The following DRC9 variants were observed in gnomAD, a reference collection of about 807,000 sequenced individuals.
DRC9 encodes the protein dynein regulatory complex protein 9.
the DRC9 span, among the ~76,000 whole-genome samples, chr3:197,936,398 A>G: frequency 2.6e-5 from 4 of 152,022 alleles, no homozygotes; most frequent in Non-Finnish European, 5.9e-5. Flanking sequence ...ATGGGGCCTC[A>G]CTGTCACACA....
At chr3:197,891,586 C>A in the DRC9 span, 1 of 1,171,390 alleles carries the variant, frequency 8.5e-7, no homozygotes, top group South Asian at 1.3e-5. Context: ...ATAGTACTCT[C>A]TTGGCTAAGC....
At chr3:197,951,145 C>T in the DRC9 span, 18 of 1,613,900 alleles carry the variant, frequency 1.1e-5, no homozygotes, top group African/African-American at 1.3e-5. Context: ...TGTTGTGTAT[C>T]TTTTGTGTCT....
chr3:197,933,480 T>C, the DRC9 span, among the ~76,000 whole-genome samples: 1 of 152,104 alleles, frequency 6.6e-6, no homozygotes, highest in Non-Finnish European at 1.5e-5. Context: ...AAAAGTTTGA[T>C]TAGGTCTTTA....
the DRC9 span, among the ~76,000 whole-genome samples, chr3:197,900,827 G>A: frequency 2.0e-5 from 3 of 152,220 alleles, no homozygotes; most frequent in Non-Finnish European, 2.9e-5. The surrounding 1 kb of genome is among the most constrained non-coding windows in gnomAD (Gnocchi z 4.7). Context: ...GGCCTTCCTA[G>A]ACACACCTTG....
the DRC9 span, among the ~76,000 whole-genome samples, chr3:197,955,262 T>C: frequency 6.6e-6 from 1 of 151,628 alleles, no homozygotes; most frequent in Non-Finnish European, 1.5e-5. Context: ...TCAGTACATG[T>C]TTTTCTTTTT....
At chr3:197,892,897 G>C in the DRC9 span, 7 of 1,096,172 alleles carry the variant, frequency 6.4e-6, no homozygotes, top group African/African-American at 1.6e-5. Context: ...TACTTACCTG[G>C]GTGGAGAGTT....
At chr3:197,938,525 T>G in the DRC9 span, 1 of 1,567,394 alleles carries the variant, frequency 6.4e-7, no homozygotes, top group Admixed American at 1.7e-5. Flanking sequence ...GTTATTTCAC[T>G]GCCAAATGTC....
the DRC9 span, chr3:197,959,985 G>T: frequency 1.8e-6 from 1 of 549,542 alleles, no homozygotes; most frequent in Non-Finnish European, 3.2e-6. Flanking sequence ...TACGGCCAAC[G>T]CCCGCTAGCC....
At chr3:197,912,063 C>CGG in the DRC9 span, among the ~76,000 whole-genome samples, 1 of 151,594 alleles carries the variant, frequency 6.6e-6, no homozygotes, top group East Asian at 1.9e-4. Context: ...GTTTTTGAGA[C>CGG]GGGGTCTCGC....
chr3:197,922,074 CT>C, the DRC9 span, among the ~76,000 whole-genome samples: 1 of 152,106 alleles, frequency 6.6e-6, no homozygotes, highest in East Asian at 1.9e-4. Context: ...CTTGGTAGTT[CT>C]TTTTTGTTCC....
chr3:197,921,062 C>G, the DRC9 span, among the ~76,000 whole-genome samples: 1 of 146,202 alleles, frequency 6.8e-6, no homozygotes, highest in African/African-American at 2.6e-5. Context: ...TCATCTTGGT[C>G]GACCCGACTA....
the DRC9 span, chr3:197,955,842 C>G: frequency 7.8e-7 from 1 of 1,287,228 alleles, no homozygotes. Context: ...AAAAAACTTA[C>G]TACCTTAAAT....
At chr3:197,954,884 C>A in the DRC9 span, among the ~76,000 whole-genome samples, 35 of 152,262 alleles carry the variant, frequency 2.3e-4, no homozygotes, top group African/African-American at 8.2e-4. Context: ...TCAACAGTTA[C>A]GCCTGGCATA....
the DRC9 span, among the ~76,000 whole-genome samples, chr3:197,900,867 G>A: frequency 6.6e-6 from 1 of 152,196 alleles, no homozygotes; most frequent in Non-Finnish European, 1.5e-5. This position sits in a 1 kb window ranked among gnomAD's most constrained non-coding sequence, Gnocchi z 4.7. Context: ...GCCTTGTAGG[G>A]GAGGGCCCAG....
the DRC9 span, among the ~76,000 whole-genome samples, chr3:197,916,598 G>T: frequency 6.6e-6 from 1 of 151,830 alleles, no homozygotes; most frequent in Non-Finnish European, 1.5e-5. Context: ...TTTCTTTCTT[G>T]AGATAGGGTC....
At chr3:197,946,748 A>G in the DRC9 span, among the ~76,000 whole-genome samples, 3 of 152,224 alleles carry the variant, frequency 2.0e-5, no homozygotes, top group Admixed American at 6.5e-5. Context: ...AGTACTTCAG[A>G]CTAGCCAAAT....
the DRC9 span, chr3:197,958,848 G>A: frequency 2.6e-5 from 4 of 152,256 alleles, no homozygotes; most frequent in African/African-American, 7.2e-5. Flanking sequence ...GCCAAAGGAG[G>A]AGTCCTGTGG....
At chr3:197,930,332 A>C in the DRC9 span, among the ~76,000 whole-genome samples, 5 of 152,142 alleles carry the variant, frequency 3.3e-5, no homozygotes, top group Admixed American at 6.6e-5. Flanking sequence ...TGAGTGACAA[A>C]AAAGAATACT....
the DRC9 span, among the ~76,000 whole-genome samples, chr3:197,896,947 T>G: frequency 6.6e-6 from 1 of 152,168 alleles, no homozygotes; most frequent in Non-Finnish European, 1.5e-5. Flanking sequence ...CATGTGGGGA[T>G]TATTGCAATT....
Sources: allele counts gnomAD v4.1 joint callset (sites outside exome capture counted in the v4.1 genomes callset), GRCh38; gene constraint gnomAD v4.1.1; non-coding constraint Gnocchi (gnomAD v3.1); transcripts MANE v1.5; gene names NCBI Gene and HGNC (gene_info 2026-07-23, HGNC 2026-07-21).